The following ESYT3 variants were observed in gnomAD, a reference collection of about 807,000 sequenced individuals.
ESYT3 encodes extended synaptotagmin-3.
ESYT3 carries 101 observed loss-of-function variants against 111.5 expected under a neutral mutation model. That is an observed-to-expected ratio of 0.91 (90% CI 0.77 to 1.07). The LOEUF (loss-of-function observed/expected upper bound fraction) is 1.07. ESYT3 is among the 50% of genes least tolerant of loss of function. The probability of loss-of-function intolerance (pLI) is 0.00; values close to 1 mark genes in which losing one functional copy is unlikely to be tolerated. For synonymous variants in ESYT3, 416 were observed against 446.8 expected (o/e 0.93, Z 0.87); for missense variants, 1,097 against 1,109.4 (o/e 0.99, Z 0.16).
intron 1 of ESYT3, among the ~76,000 whole-genome samples, chr3:138,443,133 C>T (rs1249975911): frequency 6.6e-6 from 1 of 152,158 alleles, no homozygotes; most frequent in Admixed American, 6.5e-5. Flanking sequence ...GTTCTCATCA[C>T]TGTGACTAGT....
intron 4 of ESYT3, 76 bp from the exon 5 acceptor site, chr3:138,459,111 G>A (rs2032467173): frequency 1.6e-6 from 2 of 1,251,606 alleles, no homozygotes; most frequent in Admixed American, 2.2e-5. Context: ...GTGTGACACT[G>A]GGCAAGTTTC....
At chr3:138,481,681 T>TAAAAAAC (rs529823999), downstream of ESYT3, 11 of 149,966 alleles carry the variant, frequency 7.3e-5, no homozygotes, top group African/African-American at 2.5e-4. Flanking sequence ...CCCATCTCTT[T>TAAAAAAC]AAAAAACAAA....
At position 138,469,474 on chromosome 3, in the gene ESYT3, A is replaced by C. The variant is rs201799665; in HGVS notation, c.1473A>C (p.Leu491=). 37 of 1,613,954 alleles carry C rather than the reference A, an allele frequency of 2.3e-5. No homozygotes were observed. The highest frequency in any genetic ancestry group is 3.1e-5 in the Non-Finnish European group (37 of 1,180,004). The change falls in exon 15 of 23, where the codon CTA becomes CTC. Residue 491 remains leucine (L), a synonymous_variant. Transcript: ENST00000389567. ...AAGACCCTTCTTCCTATGTCAAACT[A>C]TCTGTAGGCAAGAAGACACATACAA... ...VSKDPSSYVK[L]SVGKKTHTSK... is the part of the protein sequence containing the mutation.
chr3:138,471,009 A>C lies in ESYT3; in HGVS notation c.1723A>C (p.Met575Leu). Residue 575 changes from methionine to leucine, a missense_variant, in exon 17 of 23, where the codon ATG becomes CTG. By Grantham distance (15) the Met-to-Leu change is conservative (BLOSUM62 2). Coordinates refer to ENST00000389567, the MANE Select transcript of ESYT3 (RefSeq NM_031913.5). ...DHSGLDSLIS[M>L]RLVLRFLQVE... ...CTCAGGCCTGGACAGCCTCATCTCCATGAGGCTGGTGCTTCGGGTAAATCT... is the reference window on the plus strand; with the variant it reads ...CTCAGGCCTGGACAGCCTCATCTCCCTGAGGCTGGTGCTTCGGGTAAATCT... 1 of 1,613,878 alleles carries C rather than the reference A, an allele frequency of 6.2e-7. No homozygotes were observed. Among genetic ancestry groups the C allele is most frequent in the Non-Finnish European group, 8.5e-7 (1 of 1,179,876 alleles).
In ESYT3 at chr3:138,440,644, G is replaced by C. The variant is rs1365443941; in HGVS notation, c.327+5519G>C. ...AGTTATTCAAATGGCTTGGAGTCAG[G>C]CCTGTCCTCGGGAAGGAAGAGGCAG... is the stretch of plus-strand genomic sequence containing the variant. On this transcript the variant is annotated intron_variant, in intron 1 of 22. Coordinates refer to ENST00000389567, the MANE Select transcript of ESYT3 (RefSeq NM_031913.5). The surrounding 1 kb of genome is among the most constrained non-coding windows in gnomAD (Gnocchi z 4.2). 6.6e-6 allele frequency among the ~76,000 whole-genome samples: 1 copy of C among 152,168 alleles called. No homozygotes were observed. The highest frequency in any genetic ancestry group is 2.4e-5 in the African/African-American group (1 of 41,452).
At position 138,459,991 on chromosome 3, in the gene ESYT3, A is replaced by T. The variant is rs762930087; in HGVS notation, c.695A>T (p.Lys232Met). The change falls in exon 6 of 23, where the codon AAG (lysine) becomes ATG (methionine). Residue 232 changes from lysine to methionine, a missense_variant. Coordinates refer to ENST00000389567, the MANE Select transcript of ESYT3 (RefSeq NM_031913.5). ...ATCCTGGAGCCCCTCCTAGTGGACA[A>T]GCCCTTTGTGGGAGCCGTGACTGTG... ...RVILEPLLVD[K>M]PFVGAVTVFF... is the part of the protein sequence containing the mutation. 1 of 1,614,126 alleles carries T rather than the reference A, an allele frequency of 6.2e-7. No individual in the cohort carries two copies. Among genetic ancestry groups the T allele is most frequent in the South Asian group, 1.1e-5 (1 of 91,078 alleles).
intron 1 of ESYT3, among the ~76,000 whole-genome samples, chr3:138,444,251 G>A (rs2031373677): frequency 6.6e-6 from 1 of 152,194 alleles, no homozygotes; most frequent in African/African-American, 2.4e-5. Flanking sequence ...CAAGAGGTAT[G>A]TTAGTTTACG....
intron 1 of ESYT3, among the ~76,000 whole-genome samples, chr3:138,444,323 CG>C (rs2031380736): frequency 6.6e-6 from 1 of 152,076 alleles, no homozygotes; most frequent in African/African-American, 2.4e-5. Context: ...ACAGGTAGTG[CG>C]GGGAGGACAG....
chr3:138,472,941 AC>A, intron 18 of ESYT3, 82 bp downstream of exon 18: 3 of 1,526,750 alleles, frequency 2.0e-6, no homozygotes, highest in Non-Finnish European at 2.6e-6. Context: ...ATATGAACTT[AC>A]ATTTCTGTGC....
intron 1 of ESYT3, among the ~76,000 whole-genome samples, chr3:138,445,680 G>A (rs2031492177): frequency 6.6e-6 from 1 of 152,170 alleles, no homozygotes; most frequent in Non-Finnish European, 1.5e-5. Flanking sequence ...GAGGTCAGAG[G>A]GGTCAGAGTG....
intron 7 of ESYT3, 128 bp from the exon 8 acceptor site, chr3:138,461,958 T>C (rs377028716): frequency 7.4e-7 from 1 of 1,358,982 alleles, no homozygotes; most frequent in Non-Finnish European, 1.0e-6. Context: ...GCAAGTGGGG[T>C]CAGGGCTGTT....
rs77363605 is a variant in ESYT3 at position 138,463,087 on chromosome 3, G to A, written c.915+881G>A. On this transcript the variant is annotated intron_variant, in intron 8 of 22. Coordinates refer to ENST00000389567, the MANE Select transcript of ESYT3 (RefSeq NM_031913.5). ...AGTTTTCCCCAGCATGCTTTTTTTTGGGCGGTGGGTGTGAAGGGAGGTGGT... is the reference window on the plus strand; with the variant it reads ...AGTTTTCCCCAGCATGCTTTTTTTTAGGCGGTGGGTGTGAAGGGAGGTGGT... 4.0e-5 allele frequency among the ~76,000 whole-genome samples: 6 copies of A among 151,746 alleles called. No homozygotes were observed. The South Asian group carries it at 6.3e-4, about 16-fold the overall frequency.
rs561410791 is a variant in ESYT3, at chr3:138,468,037, G to A, written c.1219-68G>A. 259 of 1,448,304 alleles carry A rather than the reference G, an allele frequency of 1.8e-4. 2 individuals carry two copies. The Admixed American group carries it at 4.3e-3, about 24-fold the overall frequency. 89.7% of individuals were successfully genotyped at this position (1,448,304 alleles called of 1,614,324 possible). A position where few individuals can be genotyped will look rare whatever the true frequency, so the allele number is the denominator to read the frequency against. On this transcript the variant is annotated intron_variant, in intron 11 of 22. Coordinates refer to ENST00000389567, the MANE Select transcript of ESYT3 (RefSeq NM_031913.5). ...CTAGGATGCCAGGTCTCAGGACTGGGCTGCCCAGAGAGCATCAGTAGCATC... is the reference window on the plus strand; with the variant it reads ...CTAGGATGCCAGGTCTCAGGACTGGACTGCCCAGAGAGCATCAGTAGCATC...
intron 1 of ESYT3, among the ~76,000 whole-genome samples, chr3:138,446,497 A>C (rs2031549402): frequency 6.6e-6 from 1 of 152,244 alleles, no homozygotes; most frequent in African/African-American, 2.4e-5. Context: ...GCAACTGGCC[A>C]AGTCTTGAAA....
At chr3:138,463,712 A>G (rs2032773626) in intron 8 of ESYT3, among the ~76,000 whole-genome samples, 1 of 152,228 alleles carries the variant, frequency 6.6e-6, no homozygotes, top group African/African-American at 2.4e-5. Flanking sequence ...AAAAAATTCT[A>G]GGAAGGAGAT....
At chr3:138,449,219 G>A (rs1048522854) in intron 1 of ESYT3, among the ~76,000 whole-genome samples, 1 of 151,106 alleles carries the variant, frequency 6.6e-6, no homozygotes, top group Non-Finnish European at 1.5e-5. Flanking sequence ...TGAGTACCTG[G>A]GATTACAGGT....
chr3:138,465,210 G>C (rs2032865231), intron 9 of ESYT3, 129 bp from the exon 10 acceptor site: 2 of 627,728 alleles, frequency 3.2e-6, no homozygotes, highest in Admixed American at 2.7e-5. Flanking sequence ...CCCTTCTTAT[G>C]GGTGGGGTTC....
In ESYT3 at chr3:138,459,177, C is replaced by A; in HGVS notation, c.582-10C>A. On this transcript the variant is annotated splice_polypyrimidine_tract_variant and intron_variant, in intron 4 of 22. Transcript: ENST00000389567. ...TCCTCCCCACCTTCCTTTTCCACCC[C>A]CCATTTCAGCTACATCGGGGACTGT... The A allele has an allele frequency of 1.3e-6, 2 of 1,500,848 alleles. No homozygotes were observed. Among genetic ancestry groups the A allele is most frequent in the African/African-American group, 1.4e-5 (1 of 71,522 alleles). 93.0% of individuals were successfully genotyped at this position (1,500,848 alleles called of 1,614,324 possible).
At chr3:138,443,290 G>A (rs1453756453) in intron 1 of ESYT3, among the ~76,000 whole-genome samples, 1 of 152,208 alleles carries the variant, frequency 6.6e-6, no homozygotes, top group Non-Finnish European at 1.5e-5. Context: ...TACTTGAGCT[G>A]GGTAATTTAA....
Sources: allele counts gnomAD v4.1 joint callset (sites outside exome capture counted in the v4.1 genomes callset), GRCh38; gene constraint gnomAD v4.1.1; non-coding constraint Gnocchi (gnomAD v3.1); transcripts MANE v1.5; gene names NCBI Gene and HGNC (gene_info 2026-07-23, HGNC 2026-07-21).